Variants in TJP1 observed in about 807,000 individuals in gnomAD.
TJP1 encodes the protein tight junction protein ZO-1.
In TJP1, 43 loss-of-function variants were observed where a neutral mutation model predicts 194.2. The ratio of observed to expected loss-of-function variants is 0.22; its 90% confidence interval spans 0.17 to 0.29. The LOEUF (loss-of-function observed/expected upper bound fraction) is 0.29. Ranked by LOEUF, TJP1 falls within the 10% of genes least tolerant of loss-of-function variation. The probability of loss-of-function intolerance (pLI) is 1.00; values close to 1 mark genes in which losing one functional copy is unlikely to be tolerated. For missense variants in TJP1, 1,971 were observed against 2,185.7 expected (o/e 0.90, Z 1.96); for synonymous variants, 801 against 779.0 (o/e 1.03, Z -0.47).
At chr15:29,883,113 A>C (rs145400289) in intron 2 of TJP1, among the ~76,000 whole-genome samples, 1 of 152,234 alleles carries the variant, frequency 6.6e-6, no homozygotes, top group South Asian at 2.1e-4. Context: ...TTCCCAGGCT[A>C]AACTGTGGAG....
chr15:29,776,916 G>A (rs2047050643), intron 2 of TJP1, among the ~76,000 whole-genome samples: 1 of 152,124 alleles, frequency 6.6e-6, no homozygotes, highest in African/African-American at 2.4e-5. Context: ...TCTCCTTGAA[G>A]CAAGGTACTC....
In TJP1 at chr15:29,726,897, G is replaced by C. The variant is rs777205514; in HGVS notation, c.2195C>G (p.Ser732Cys). ...TCTCATTGTTTTTACTCCTTGCTTA[G>C]AATCAGGGTTAAGAAATACAACAAT... ...YPIVVFLNPD[S>C]KQGVKTMRMR... Residue 732 changes from serine to cysteine, a missense_variant, in exon 17 of 28, where the codon TCT becomes TGT. Transcript: ENST00000614355. The C allele has an allele frequency of 1.2e-6, 2 of 1,614,112 alleles. No individual in the cohort carries two copies. The highest frequency in any genetic ancestry group is 2.2e-5 in the East Asian group (1 of 44,874).
At chr15:29,712,899 T>TG (rs1398408650) in intron 23 of TJP1, among the ~76,000 whole-genome samples, 1 of 151,296 alleles carries the variant, frequency 6.6e-6, no homozygotes, top group Non-Finnish European at 1.5e-5. Flanking sequence ...ATTGAGCCCC[T>TG]GGGAGGGGAA....
intron 1 of TJP1, among the ~76,000 whole-genome samples, chr15:29,819,511 G>A (rs938126394): frequency 6.6e-6 from 1 of 152,156 alleles, no homozygotes; most frequent in Non-Finnish European, 1.5e-5. Context: ...GCCCATAAAT[G>A]CACAGATGTT....
chr15:29,866,345 C>T (rs897377883), intron 2 of TJP1, among the ~76,000 whole-genome samples: 3 of 152,186 alleles, frequency 2.0e-5, no homozygotes, highest in Non-Finnish European at 2.9e-5. Flanking sequence ...TTGTCTTCAT[C>T]CTTACTGAAA....
At position 29,705,679 on chromosome 15, in the gene TJP1, T is replaced by A; in HGVS notation, c.4917A>T (p.Ile1639=). ...GHTVVATARG[I]FNSNGGVLSS... ...TCAGCACGCCCCCATTGCTGTTAAA[T>A]ATGCCTCGGGCTGTGGCCACCACAG... is the stretch of plus-strand genomic sequence containing the variant. Residue 1639 remains isoleucine, a synonymous_variant, in exon 26 of 28, where the codon ATA becomes ATT. Transcript: ENST00000614355. The A allele has an allele frequency of 6.2e-7, 1 of 1,614,186 alleles. No individual in the cohort carries two copies.
intron 2 of TJP1, among the ~76,000 whole-genome samples, chr15:29,776,879 T>C (rs2047048148): frequency 6.6e-6 from 1 of 152,230 alleles, no homozygotes; most frequent in African/African-American, 2.4e-5. Context: ...GTTTTCATTG[T>C]TAGCAACAAA....
rs774446049 is a variant in TJP1, at chr15:29,761,634, T to C, written c.829A>G (p.Ser277Gly). 1.2e-6 allele frequency: 2 copies of C among 1,607,042 alleles called. No individual in the cohort carries two copies. Among genetic ancestry groups the C allele is most frequent in the South Asian group, 2.2e-5 (2 of 90,560 alleles). ...TLLNVPDLSD[S>G]IHSANASERD... is the part of the protein sequence containing the mutation. Reference sequence around the variant, plus strand: ...TCAGAGGCATTAGCAGAGTGGATGCTGTCAGAAAGATCAGGGACATTCAAT... The same window carrying C: ...TCAGAGGCATTAGCAGAGTGGATGCCGTCAGAAAGATCAGGGACATTCAAT... Residue 277 changes from serine (S) to glycine (G), a missense_variant, in exon 7 of 28, where the codon AGC becomes GGC. Physicochemically the swap from Ser to Gly is moderately conservative, Grantham distance 56 (BLOSUM62 0). This residue lies in a region of TJP1 where 192 missense variants were observed against 182.3 expected (regional missense o/e 1.05). Coordinates refer to ENST00000614355, the MANE Select transcript of TJP1 (RefSeq NM_001330239.4).
chr15:29,738,711 A>G (rs1296072289), intron 10 of TJP1, among the ~76,000 whole-genome samples: 3 of 151,864 alleles, frequency 2.0e-5, no homozygotes, highest in African/African-American at 7.3e-5. Context: ...ACCTCTTTAA[A>G]TATTTCCTCA....
chr15:29,809,390 T>C (rs2049331041), intron 1 of TJP1, among the ~76,000 whole-genome samples: 1 of 152,170 alleles, frequency 6.6e-6, no homozygotes, highest in African/African-American at 2.4e-5. Flanking sequence ...TTCATACTGT[T>C]AAAATTTCTA....
intron 2 of TJP1, among the ~76,000 whole-genome samples, chr15:29,881,819 T>C (rs140706276): frequency 0.011 from 1,623 of 152,200 alleles, 30 homozygotes; most frequent in African/African-American, 0.037. Flanking sequence ...GAGTGGTCTA[T>C]TCCCTAACAC....
At chr15:29,817,866 G>T (rs1019544815) in intron 1 of TJP1, among the ~76,000 whole-genome samples, 7 of 152,106 alleles carry the variant, frequency 4.6e-5, no homozygotes, top group African/African-American at 1.7e-4. Flanking sequence ...GGGGGAAAGG[G>T]AGGGAAAGCA....
intron 8 of TJP1, among the ~76,000 whole-genome samples, chr15:29,758,510 CAAAAAGA>C (rs2045793835): frequency 1.3e-5 from 2 of 152,134 alleles, no homozygotes; most frequent in Admixed American, 6.5e-5. Context: ...AAGTGGACAT[CAAAAAGA>C]ATTTTCTAAG....
At chr15:29,730,312 T>C (rs1470683478) in intron 15 of TJP1, among the ~76,000 whole-genome samples, 1 of 152,104 alleles carries the variant, frequency 6.6e-6, no homozygotes, top group Non-Finnish European at 1.5e-5. Flanking sequence ...CTGGGTACAG[T>C]GGCTCACACC....
rs2151912246 is a variant in TJP1, at chr15:29,805,069, G to A, written c.28-4367C>T. Among the ~76,000 whole-genome samples, 2 of 152,300 alleles carry A rather than the reference G, an allele frequency of 1.3e-5. 1 individual carries two copies. Among genetic ancestry groups the A allele is most frequent in the South Asian group, 4.1e-4 (2 of 4,826 alleles). On this transcript the variant is annotated intron_variant, in intron 1 of 27. Coordinates refer to ENST00000614355, the MANE Select transcript of TJP1 (RefSeq NM_001330239.4). ...GAACAGGCTACAAATTCAATAATTA[G>A]TGAAGCACTGCAGGCATCAAAAGTG...
intron 2 of TJP1, among the ~76,000 whole-genome samples, chr15:29,840,862 G>C (rs2051199377): frequency 6.6e-6 from 1 of 152,188 alleles, no homozygotes. Context: ...AGAAAGAAGA[G>C]AGCAAGGGCT....
At chr15:29,941,747 G>C (rs948765030) in intron 2 of TJP1, among the ~76,000 whole-genome samples, 2 of 152,196 alleles carry the variant, frequency 1.3e-5, no homozygotes. Flanking sequence ...CGTATCACGT[G>C]TTTGTTTACA....
chr15:29,776,625 CTGAA>C (rs1228161895), intron 2 of TJP1, among the ~76,000 whole-genome samples: 3 of 152,276 alleles, frequency 2.0e-5, no homozygotes, highest in Middle Eastern at 3.4e-3. Context: ...ATTTTACACT[CTGAA>C]TGAGTATTTT....
chr15:29,871,171 T>G (rs2152117770), intron 2 of TJP1, among the ~76,000 whole-genome samples: 1 of 152,314 alleles, frequency 6.6e-6, no homozygotes, highest in Non-Finnish European at 1.5e-5. Flanking sequence ...TGTCAGCAAC[T>G]CAAGGCTCAT....
Sources: allele counts gnomAD v4.1 joint callset (sites outside exome capture counted in the v4.1 genomes callset), GRCh38; gene constraint gnomAD v4.1.1; regional missense constraint gnomAD v4.1.1; transcripts MANE v1.5; gene names NCBI Gene and HGNC (gene_info 2026-07-23, HGNC 2026-07-21).